PTGR2: variants seen among roughly 807,000 people sequenced by gnomAD.
PTGR2 encodes the protein 15-oxoprostaglandin 13-reductase.
Under a neutral mutation model 43.4 loss-of-function variants are expected in PTGR2, and 32 were observed. The ratio of observed to expected loss-of-function variants is 0.74; its 90% CI spans 0.56 to 0.99. The LOEUF (loss-of-function observed/expected upper bound fraction) is 0.99. PTGR2 is among the 50% of genes least tolerant of loss of function. The pLI is 0.00. For synonymous variants in PTGR2, 106 were observed against 139.2 expected (o/e 0.76, Z 1.68); for missense variants, 373 against 420.0 (o/e 0.89, Z 0.98).
intron 8 of PTGR2, among the ~76,000 whole-genome samples, chr14:73,882,048 C>G (rs548399745): frequency 2.6e-5 from 4 of 151,952 alleles, no homozygotes; most frequent in African/African-American, 9.7e-5. Context: ...TCCCAAAGTG[C>G]TGGGATTACA....
chr14:73,853,678 G>T lies in PTGR2; in HGVS notation c.-48+1735G>T, dbSNP rs562052983. ...ATATTACCAACCTCACAGTTTTTTT[G>T]GGGTGAGGGTGGGGGAGGTGGTTTA... On this transcript the variant is annotated intron_variant, in intron 1 of 9. Transcript: ENST00000555661. Among the ~76,000 whole-genome samples the T allele has an allele frequency of 9.9e-4, 150 of 152,140 alleles. 1 individual carries two copies. Among genetic ancestry groups the T allele is most frequent in the African/African-American group, 2.8e-3 (117 of 41,508 alleles).
At chr14:73,862,905 G>A (rs2054526588) in intron 3 of PTGR2, among the ~76,000 whole-genome samples, 1 of 151,864 alleles carries the variant, frequency 6.6e-6, no homozygotes, top group Non-Finnish European at 1.5e-5. Flanking sequence ...ATGGGGTCTT[G>A]CCATGTTGCC....
At chr14:73,852,048 C>T (rs930047029) in intron 1 of PTGR2, 105 bp downstream of exon 1, 1 of 152,170 alleles carries the variant, frequency 6.6e-6, no homozygotes, top group Non-Finnish European at 1.5e-5. Context: ...TAGGCGTCCT[C>T]CCGGAGCTAC....
rs2054980829 is a variant in PTGR2, at chr14:73,881,254, C to A, written c.901C>A (p.Leu301Ile). 1.2e-6 allele frequency: 2 copies of A among 1,610,338 alleles called. No individual in the cohort carries two copies. Among genetic ancestry groups the A allele is most frequent in the Admixed American group, 3.3e-5 (2 of 59,986 alleles). ...TAAAGACAAATTTGAGCCTGGCATT[C>A]TACAGCTGAGTCAGTGGTTTAAAGA... is the stretch of plus-strand genomic sequence containing the variant. ...NYKDKFEPGILQLSQWFKEGK... is the reference protein window; with the variant it reads ...NYKDKFEPGIIQLSQWFKEGK... The change falls in exon 8 of 10, where the codon CTA becomes ATA. Residue 301 changes from leucine (L) to isoleucine (I), a missense_variant. Physicochemically the swap from Leu to Ile is conservative, Grantham distance 5. Transcript: ENST00000555661.
At chr14:73,880,286 C>G (rs1314737718) in intron 7 of PTGR2, 110 bp downstream of exon 7, 3 of 1,376,638 alleles carry the variant, frequency 2.2e-6, no homozygotes, top group South Asian at 2.4e-5. Context: ...TTAAATAAAA[C>G]TTTAGGTCGG....
In PTGR2 at chr14:73,884,400, T is replaced by TTA. The variant is rs1330787866; in HGVS notation, c.*223_*224insTA. On this transcript the variant is annotated 3_prime_UTR_variant, in exon 10 of 10. Transcript: ENST00000555661. Reference sequence around the variant, plus strand: ...AGTAATTACTTTTATTAATTTAAAATAGAACGCTTGAGAGGCACTTTGTAA... The same window carrying TTA: ...AGTAATTACTTTTATTAATTTAAAATTAAGAACGCTTGAGAGGCACTTTGTAA... 5 of 362,092 alleles carry TTA rather than the reference T, an allele frequency of 1.4e-5. No homozygotes were observed. Among genetic ancestry groups the TTA allele is most frequent in the Non-Finnish European group, 2.4e-5 (5 of 206,482 alleles). 22.4% of individuals were successfully genotyped at this position (362,092 alleles called of 1,614,324 possible).
chr14:73,876,406 G>A (rs927831237), intron 4 of PTGR2, among the ~76,000 whole-genome samples: 22 of 151,688 alleles, frequency 1.5e-4, no homozygotes, highest in South Asian at 2.1e-4. Flanking sequence ...CCTTCTTGCT[G>A]TGTCCTCAGG....
chr14:73,862,422 T>A (rs2054513836), intron 3 of PTGR2, among the ~76,000 whole-genome samples: 2 of 152,130 alleles, frequency 1.3e-5, no homozygotes, highest in South Asian at 4.1e-4. Context: ...TTAGCCAGGA[T>A]GGTCTTGATC....
intron 5 of PTGR2, chr14:73,877,615 T>TTTG (rs2054895111): frequency 6.6e-6 from 1 of 150,406 alleles, no homozygotes; most frequent in South Asian, 2.1e-4. Context: ...TAGAAATGGT[T>TTTG]TTTTTTTTTT....
Position 73,881,772 on chromosome 14 carries a change from C to CTTTTT in PTGR2, c.939+505_939+509dup, listed in dbSNP as rs57377878. Among the ~76,000 whole-genome samples, 86 of 69,266 alleles carry CTTTTT rather than the reference C, an allele frequency of 1.2e-3. 2 individuals carry two copies. The highest frequency in any genetic ancestry group is 3.4e-3 in the African/African-American group (50 of 14,564). The allele number at this position is 69,266 out of a possible 152,430, so 45.4% of individuals were successfully genotyped here. A position where few individuals can be genotyped will look rare whatever the true frequency, so the allele number is the denominator to read the frequency against. On this transcript the variant is annotated intron_variant, in intron 8 of 9. Coordinates refer to ENST00000555661, the MANE Select transcript of PTGR2 (RefSeq NM_001146154.2). ...TTCAGACATACTGGCCTAGGCTATT[C>CTTTTT]TTTTTTTTTTTTTTTTTTTTTTTTT...
chr14:73,880,704 G>A (rs2054965732), intron 7 of PTGR2, among the ~76,000 whole-genome samples: 1 of 152,088 alleles, frequency 6.6e-6, no homozygotes, highest in Non-Finnish European at 1.5e-5. Flanking sequence ...TGACTGGCCT[G>A]GGTTAAGTCA....
chr14:73,880,883 G>A (rs536059373), intron 7 of PTGR2, among the ~76,000 whole-genome samples: 1 of 152,108 alleles, frequency 6.6e-6, no homozygotes, highest in African/African-American at 2.4e-5. Flanking sequence ...TAAAACCACC[G>A]TCTCCCAGGT....
chr14:73,853,803 G>T (rs2054284296), intron 1 of PTGR2, among the ~76,000 whole-genome samples: 1 of 152,148 alleles, frequency 6.6e-6, no homozygotes, highest in African/African-American at 2.4e-5. Context: ...CACCTGGTTA[G>T]AACTAGGAGA....
At chr14:73,881,066 A>G (rs2054976120) in intron 7 of PTGR2, 139 bp from the exon 8 acceptor site, 2 of 544,874 alleles carry the variant, frequency 3.7e-6, no homozygotes, top group South Asian at 6.5e-5. Context: ...AACTATGCAT[A>G]AAACTATCTG....
intron 1 of PTGR2, among the ~76,000 whole-genome samples, chr14:73,856,573 T>C (rs913732091): frequency 6.6e-6 from 1 of 152,146 alleles, no homozygotes; most frequent in African/African-American, 2.4e-5. Context: ...TTTTACCCCA[T>C]ATTTTTACTG....
intron 4 of PTGR2, among the ~76,000 whole-genome samples, chr14:73,876,477 TA>T (rs1250884480): frequency 7.0e-6 from 1 of 141,918 alleles, no homozygotes; most frequent in Non-Finnish European, 1.5e-5. Context: ...TCTAAGGACA[TA>T]AGTCCTTTTT....
At chr14:73,858,631 A>T in intron 1 of PTGR2, 185 bp from the exon 2 acceptor site, 1 of 371,794 alleles carries the variant, frequency 2.7e-6, no homozygotes, top group South Asian at 3.8e-5. Context: ...TAAAAATTCT[A>T]ACTAGATTTA....
chr14:73,859,784 T>TA lies in PTGR2; in HGVS notation c.38-743dup, dbSNP rs5809632. On this transcript the variant is annotated intron_variant, in intron 2 of 9. Coordinates refer to ENST00000555661, the MANE Select transcript of PTGR2 (RefSeq NM_001146154.2). ...GGGTGACAGAGTAAGACCTTGTCTC[T>TA]AAAAAAAAAAAAGAAATACATACTG... Among the ~76,000 whole-genome samples, 37 of 143,878 alleles carry TA rather than the reference T, an allele frequency of 2.6e-4. 1 individual carries two copies. Among genetic ancestry groups the TA allele is most frequent in the East Asian group, 8.1e-4 (4 of 4,914 alleles). The allele number at this position is 143,878 out of a possible 152,430, so 94.4% of individuals were successfully genotyped here.
intron 5 of PTGR2, 165 bp downstream of exon 5, chr14:73,877,333 T>G (rs1414021521): frequency 2.3e-5 from 13 of 554,802 alleles, no homozygotes; most frequent in Non-Finnish European, 3.7e-5. Context: ...GGCGCAATCT[T>G]GGCTCACTGC....
Sources: allele counts gnomAD v4.1 joint callset (sites outside exome capture counted in the v4.1 genomes callset), GRCh38; gene constraint gnomAD v4.1.1; transcripts MANE v1.5; gene names NCBI Gene and HGNC (gene_info 2026-07-23, HGNC 2026-07-21).